SLC39A12: variants seen among roughly 807,000 people sequenced by gnomAD.
The protein encoded by SLC39A12 is solute carrier family 39 member 12.
A neutral mutation model predicts 71.1 loss-of-function variants in SLC39A12; 63 were observed. The observed-to-expected ratio is 0.89, with a 90% CI of 0.72 to 1.09. The LOEUF (loss-of-function observed/expected upper bound fraction) is 1.09, where lower values mean the gene tolerates loss of function less well. Among genes scored for constraint, SLC39A12 ranks in the 50% least tolerant of loss-of-function variants. SLC39A12 has a pLI of 0.00. For missense variants in SLC39A12, 892 were observed against 812.6 expected (o/e 1.10, Z -1.19); for synonymous variants, 351 against 301.3 (o/e 1.16, Z -1.71).
rs1254769575 is a variant in SLC39A12 at position 17,987,491 on chromosome 10, G to A, written c.1109G>A (p.Ser370Asn). Residue 370 changes from serine (S) to asparagine (N), a missense_variant, in exon 7 of 13, where the codon AGC (serine) becomes AAC (asparagine). Transcript: ENST00000377369. ...TCCTTTGACTTAGAATACGGCTACA[G>A]CACGGTGGCTGTCACCCTTCTCACA... ...PPTTLEKYGY[S>N]TVAVTLLTLG... 1 of 1,613,924 alleles carries A rather than the reference G, an allele frequency of 6.2e-7. No homozygotes were observed. Among genetic ancestry groups the A allele is most frequent in the East Asian group, 2.2e-5 (1 of 44,888 alleles).
At chr10:17,982,611 A>G (rs1292035072) in intron 6 of SLC39A12, among the ~76,000 whole-genome samples, 3 of 152,200 alleles carry the variant, frequency 2.0e-5, no homozygotes, top group African/African-American at 7.2e-5. Flanking sequence ...ATTCACTAAG[A>G]GAAAAAGAGC....
chr10:17,961,218 G>A (rs1193682846), intron 2 of SLC39A12, among the ~76,000 whole-genome samples: 2 of 152,156 alleles, frequency 1.3e-5, no homozygotes, highest in Non-Finnish European at 2.9e-5. Flanking sequence ...GAAGGAAGGA[G>A]GGTAGAGTAG....
At chr10:17,978,372 AATC>A (rs1835169637) in intron 5 of SLC39A12, among the ~76,000 whole-genome samples, 1 of 152,188 alleles carries the variant, frequency 6.6e-6, no homozygotes, top group Non-Finnish European at 1.5e-5. Context: ...GCACACCGCT[AATC>A]ATCCTGGGCA....
At chr10:18,042,680 T>C (rs376593957) in intron 12 of SLC39A12, 25 bp from the exon 13 acceptor site, 4 of 1,596,854 alleles carry the variant, frequency 2.5e-6, no homozygotes, top group African/African-American at 2.7e-5. Flanking sequence ...CTGGATCTTA[T>C]TCTGGTTTTT....
chr10:18,008,258 C>T (rs1836091405), intron 12 of SLC39A12, among the ~76,000 whole-genome samples: 2 of 152,118 alleles, frequency 1.3e-5, no homozygotes, highest in Non-Finnish European at 2.9e-5. Flanking sequence ...GTCAGATCAG[C>T]GGGGGCATTA....
intron 12 of SLC39A12, among the ~76,000 whole-genome samples, chr10:18,042,207 T>C (rs930977329): frequency 6.6e-6 from 1 of 152,166 alleles, no homozygotes; most frequent in Non-Finnish European, 1.5e-5. Context: ...CCAGGTGCAG[T>C]GGCTCACGCC....
intron 9 of SLC39A12, among the ~76,000 whole-genome samples, chr10:17,993,891 A>G (rs1053453909): frequency 6.6e-6 from 1 of 152,240 alleles, no homozygotes; most frequent in Non-Finnish European, 1.5e-5. Flanking sequence ...TATGAAAGTA[A>G]TATATAATTG....
intron 6 of SLC39A12, among the ~76,000 whole-genome samples, chr10:17,983,506 G>A (rs528661074): frequency 7.9e-5 from 12 of 151,924 alleles, no homozygotes; most frequent in Non-Finnish European, 1.3e-4. Flanking sequence ...AACCTAGGCC[G>A]GGCACAGTGG....
At chr10:17,955,497 C>T (rs1482024756) in intron 2 of SLC39A12, among the ~76,000 whole-genome samples, 1 of 152,170 alleles carries the variant, frequency 6.6e-6, no homozygotes, top group East Asian at 1.9e-4. Context: ...CACGCGGGTT[C>T]TGGCGCGAAC....
chr10:18,037,691 G>T (rs919265559), intron 12 of SLC39A12, among the ~76,000 whole-genome samples: 2 of 152,098 alleles, frequency 1.3e-5, no homozygotes, highest in Non-Finnish European at 2.9e-5. Context: ...TTGTAGCCAG[G>T]ACAACCTGAA....
At chr10:17,983,005 G>T (rs904327867) in intron 6 of SLC39A12, among the ~76,000 whole-genome samples, 1 of 150,800 alleles carries the variant, frequency 6.6e-6, no homozygotes, top group Non-Finnish European at 1.5e-5. Flanking sequence ...CCTGGCTAAC[G>T]CAGTGAAACC....
At chr10:17,986,920 A>C (rs1481165583) in intron 6 of SLC39A12, among the ~76,000 whole-genome samples, 2 of 152,158 alleles carry the variant, frequency 1.3e-5, no homozygotes, top group East Asian at 3.9e-4. Flanking sequence ...TGGGAAGATC[A>C]CTTGAGCCTG....
intron 7 of SLC39A12, 103 bp from the exon 8 acceptor site, chr10:17,991,048 A>C: frequency 8.5e-7 from 1 of 1,178,564 alleles, no homozygotes; most frequent in Non-Finnish European, 1.1e-6. Flanking sequence ...TCCCAGAATG[A>C]AAATTAAATA....
intron 12 of SLC39A12, among the ~76,000 whole-genome samples, chr10:18,023,965 G>C (rs1166409706): frequency 6.6e-6 from 1 of 152,148 alleles, no homozygotes; most frequent in African/African-American, 2.4e-5. Context: ...AGGCCTGCAA[G>C]TCTTAGACCC....
At chr10:18,011,338 C>G (rs2497767) in intron 12 of SLC39A12, among the ~76,000 whole-genome samples, 83,584 of 152,078 alleles carry the variant, frequency 0.55, 23,259 homozygotes, top group East Asian at 0.68. Flanking sequence ...ATCCACCTGC[C>G]TCAGCTTCCC....
rs782396193 is a variant in SLC39A12 at position 17,953,580 on chromosome 10, A to T, written c.261+43A>T. 3.8e-6 allele frequency: 6 copies of T among 1,597,040 alleles called. No homozygotes were observed. In the Admixed American group the frequency reaches 5.2e-5, roughly 14 times the overall value. ...GGGTCAGGTATCAGGGCATGTCCAA[A>T]AGAAAGCAATGGATTCTATAGGGAT... On this transcript the variant is annotated intron_variant, in intron 2 of 12. Coordinates refer to ENST00000377369, the MANE Select transcript of SLC39A12 (RefSeq NM_001145195.2).
chr10:18,035,043 G>A (rs1255327279), intron 12 of SLC39A12, among the ~76,000 whole-genome samples: 1 of 146,164 alleles, frequency 6.8e-6, no homozygotes, highest in Non-Finnish European at 1.5e-5. Context: ...GCTTCCCTTT[G>A]AGGGTAACCC....
At chr10:17,996,987 C>G (rs1452731739) in intron 10 of SLC39A12, among the ~76,000 whole-genome samples, 2 of 136,430 alleles carry the variant, frequency 1.5e-5, no homozygotes, top group African/African-American at 5.5e-5. Flanking sequence ...TGCACTCCAG[C>G]ACTCTAGTCT....
intron 4 of SLC39A12, among the ~76,000 whole-genome samples, chr10:17,965,893 A>C (rs1159755223): frequency 2.0e-5 from 3 of 152,252 alleles, no homozygotes; most frequent in African/African-American, 7.2e-5. Context: ...AGGCAAAAAC[A>C]TGGACTTGGC....
Sources: gnomAD v4.1 joint callset for allele counts (sites outside exome capture counted in the v4.1 genomes callset) on GRCh38, gnomAD v4.1.1 for gene constraint, MANE v1.5 for transcripts, NCBI Gene and HGNC (gene_info 2026-07-23, HGNC 2026-07-21) for gene names.